DCUN1D5: variants seen among roughly 807,000 people sequenced by gnomAD.
DCUN1D5 encodes the protein DCN1-like protein 5.
A neutral mutation model predicts 38.3 loss-of-function variants in DCUN1D5; 10 were observed. The observed-to-expected ratio is 0.26, with a 90% CI of 0.16 to 0.44. The LOEUF (loss-of-function observed/expected upper bound fraction) is 0.44. DCUN1D5 is among the 20% of genes least tolerant of loss of function. The pLI is 1.00. For missense variants in DCUN1D5, 148 were observed against 275.3 expected (o/e 0.54, Z 3.27); for synonymous variants, 93 against 90.9 (o/e 1.02, Z -0.13).
At chr11:103,080,019 G>A (rs1182265928) in intron 4 of DCUN1D5, 4 of 152,208 alleles carry the variant, frequency 2.6e-5, no homozygotes, top group South Asian at 4.1e-4. Flanking sequence ...GAAAACAAAC[G>A]AATGTTAACA....
Position 103,064,503 on chromosome 11 carries a change from T to C in DCUN1D5, c.556-126A>G, listed in dbSNP as rs1247132505. Reference sequence around the variant, plus strand: ...TCTAAAACATTTACTATTTTTTTAATTATTTGTGTTTCTAAGAGATTCCTC... The same window carrying C: ...TCTAAAACATTTACTATTTTTTTAACTATTTGTGTTTCTAAGAGATTCCTC... On this transcript the variant is annotated intron_variant, in intron 6 of 7. Coordinates refer to ENST00000260247, the MANE Select transcript of DCUN1D5 (RefSeq NM_032299.4). The surrounding 1 kb of genome is among the most constrained non-coding windows in gnomAD (Gnocchi z 4.5). The C allele has an allele frequency of 1.5e-5, 10 of 688,510 alleles. No homozygotes were observed. Among genetic ancestry groups the C allele is most frequent in the Non-Finnish European group, 2.3e-5 (10 of 435,976 alleles). 42.7% of individuals were successfully genotyped at this position (688,510 alleles called of 1,614,324 possible).
intron 1 of DCUN1D5, among the ~76,000 whole-genome samples, chr11:103,089,816 G>C (rs1383908231): frequency 4.0e-5 from 6 of 151,480 alleles, no homozygotes; most frequent in Non-Finnish European, 8.8e-5. Flanking sequence ...TGATGACTTA[G>C]GACCTAAGGG....
At position 103,051,269 on chromosome 11, in the gene DCUN1D5, A is replaced by G. The variant is rs1861722706; in HGVS notation, c.*11090T>C. The G allele has an allele frequency of 6.6e-6, 1 of 152,256 alleles. No homozygotes were observed. Among genetic ancestry groups the G allele is most frequent in the African/African-American group, 2.4e-5 (1 of 41,464 alleles). The allele number at this position is 152,256 out of a possible 1,614,324, so 9.4% of individuals were successfully genotyped here. ...GGAAAAAAATGACTCATTAGTAAGTAAAGTGACAAGCAGAACAAATGAACC... is the reference window on the plus strand; with the variant it reads ...GGAAAAAAATGACTCATTAGTAAGTGAAGTGACAAGCAGAACAAATGAACC... On this transcript the variant is annotated 3_prime_UTR_variant, in exon 8 of 8. Transcript: ENST00000260247.
chr11:103,079,599 G>A (rs1862502436), intron 4 of DCUN1D5, among the ~76,000 whole-genome samples: 1 of 151,460 alleles, frequency 6.6e-6, no homozygotes, highest in East Asian at 1.9e-4. Flanking sequence ...AGACCAGCCT[G>A]GACAACATAG....
At position 103,060,124 on chromosome 11, in the gene DCUN1D5, G is replaced by C. The variant is rs948359143; in HGVS notation, c.*2235C>G. On this transcript the variant is annotated 3_prime_UTR_variant, in exon 8 of 8. Coordinates refer to ENST00000260247, the MANE Select transcript of DCUN1D5 (RefSeq NM_032299.4). Reference sequence around the variant, plus strand: ...AGCCCACACCCTGACTGATGAATTAGGCAGAGTAAATTTGCCTTCAAAGTA... The same window carrying C: ...AGCCCACACCCTGACTGATGAATTACGCAGAGTAAATTTGCCTTCAAAGTA... 2.0e-5 allele frequency among the ~76,000 whole-genome samples: 3 copies of C among 152,132 alleles called. No homozygotes were observed. Among genetic ancestry groups the C allele is most frequent in the Non-Finnish European group, 4.4e-5 (3 of 68,028 alleles).
chr11:103,071,321 A>G lies in DCUN1D5; in HGVS notation c.342-4754T>C, dbSNP rs545955720. On this transcript the variant is annotated intron_variant, in intron 4 of 7. Transcript: ENST00000260247. The surrounding 1 kb of genome is among the most constrained non-coding windows in gnomAD (Gnocchi z 4.1). ...AAAAGAGAGAAGACAAAAATTACCC[A>G]TATCAGGAATGAAATGGGGTATTAT... Among the ~76,000 whole-genome samples the G allele has an allele frequency of 1.8e-4, 27 of 152,080 alleles. No homozygotes were observed. The highest frequency in any genetic ancestry group is 6.3e-4 in the African/African-American group (26 of 41,556).
At position 103,062,428 on chromosome 11, in the gene DCUN1D5, A is replaced by C. The variant is rs1862036717; in HGVS notation, c.659-14T>G. 13 of 1,610,090 alleles carry C rather than the reference A, an allele frequency of 8.1e-6. No homozygotes were observed. The highest frequency in any genetic ancestry group is 2.2e-5 in the East Asian group (1 of 44,844). The stretch of plus-strand genomic sequence containing the variant: ...GAAGAACAGGCCCTAGAAAAAAAGA[A>C]ACCATTTTTGTCAGAATTCAGTGAA... On this transcript the variant is annotated splice_polypyrimidine_tract_variant and intron_variant, in intron 7 of 7. Coordinates refer to ENST00000260247, the MANE Select transcript of DCUN1D5 (RefSeq NM_032299.4). The surrounding 1 kb of genome is among the most constrained non-coding windows in gnomAD (Gnocchi z 4.6).
In DCUN1D5 at chr11:103,078,135, G is replaced by A. The variant is rs1043266596; in HGVS notation, c.341+4613C>T. On this transcript the variant is annotated intron_variant, in intron 4 of 7. Coordinates refer to ENST00000260247, the MANE Select transcript of DCUN1D5 (RefSeq NM_032299.4). The surrounding 1 kb of genome is among the most constrained non-coding windows in gnomAD (Gnocchi z 4.6). Reference sequence around the variant, plus strand: ...CTAGATTTACAAACTGCAACCTACCGGCAGGCAGCTTAATTACTATCACTG... The same window carrying A: ...CTAGATTTACAAACTGCAACCTACCAGCAGGCAGCTTAATTACTATCACTG... Among the ~76,000 whole-genome samples, 3 of 152,080 alleles carry A rather than the reference G, an allele frequency of 2.0e-5. No homozygotes were observed. The highest frequency in any genetic ancestry group is 2.4e-5 in the African/African-American group (1 of 41,402).
In DCUN1D5 at chr11:103,065,419, C is replaced by T. The variant is rs1186474257; in HGVS notation, c.555+850G>A. Among the ~76,000 whole-genome samples, 5 of 152,068 alleles carry T rather than the reference C, an allele frequency of 3.3e-5. No homozygotes were observed. Among genetic ancestry groups the T allele is most frequent in the Non-Finnish European group, 7.4e-5 (5 of 67,994 alleles). ...TGATCTGCCTGCCTTGGCCTCCCAA[C>T]GTGCTGGGATTACAGGCGTGTGCCA... On this transcript the variant is annotated intron_variant, in intron 6 of 7. Transcript: ENST00000260247. This position sits in a 1 kb window ranked among gnomAD's most constrained non-coding sequence, Gnocchi z 4.6.
chr11:103,056,491 A>G lies in DCUN1D5; in HGVS notation c.*5868T>C, dbSNP rs1861875957. Among the ~76,000 whole-genome samples, 1 of 152,188 alleles carries G rather than the reference A, an allele frequency of 6.6e-6. No individual in the cohort carries two copies. ...TGCTCAATGTCACATATCAGTGTAC[A>G]TGCTACTTAATAGTAATCCTATCCT... On this transcript the variant is annotated 3_prime_UTR_variant, in exon 8 of 8. Transcript: ENST00000260247. The surrounding 1 kb of genome is among the most constrained non-coding windows in gnomAD (Gnocchi z 4.9).
intron 4 of DCUN1D5, among the ~76,000 whole-genome samples, chr11:103,075,849 T>A (rs1862395349): frequency 6.6e-6 from 1 of 152,124 alleles, no homozygotes; most frequent in Non-Finnish European, 1.5e-5. Context: ...ACAAGAAAAA[T>A]TTATTCTTAC....
In DCUN1D5 at chr11:103,071,642, T is replaced by G. The variant is rs548867046; in HGVS notation, c.342-5075A>C. ...TTTACATAGATATAAAAATTCTACA[T>G]ATGTAACAATTTTTCTACATCAAAA... On this transcript the variant is annotated intron_variant, in intron 4 of 7. Transcript: ENST00000260247. The surrounding 1 kb of genome is among the most constrained non-coding windows in gnomAD (Gnocchi z 4.1). Among the ~76,000 whole-genome samples, 8 of 150,988 alleles carry G rather than the reference T, an allele frequency of 5.3e-5. No homozygotes were observed. The East Asian group carries it at 1.5e-3, about 29-fold the overall frequency.
rs965351608 is a variant in DCUN1D5, at chr11:103,057,806, C to T, written c.*4553G>A. On this transcript the variant is annotated 3_prime_UTR_variant, in exon 8 of 8. Coordinates refer to ENST00000260247, the MANE Select transcript of DCUN1D5 (RefSeq NM_032299.4). The surrounding 1 kb of genome is among the most constrained non-coding windows in gnomAD (Gnocchi z 4.8). ...CAGAGTTTTGGGGAAATCTGGCTCT[C>T]TCTATATATTCACTTCAAGTATTTA... Among the ~76,000 whole-genome samples the T allele has an allele frequency of 1.3e-5, 2 of 151,914 alleles. No homozygotes were observed. Among genetic ancestry groups the T allele is most frequent in the Admixed American group, 6.6e-5 (1 of 15,252 alleles).
At position 103,055,152 on chromosome 11, in the gene DCUN1D5, C is replaced by G. The variant is rs1356430182; in HGVS notation, c.*7207G>C. The G allele has an allele frequency of 1.3e-5, 2 of 152,106 alleles. No homozygotes were observed. Among genetic ancestry groups the G allele is most frequent in the African/African-American group, 4.8e-5 (2 of 41,414 alleles). The allele number at this position is 152,106 out of a possible 1,614,324, so 9.4% of individuals were successfully genotyped here. A position where few individuals can be genotyped will look rare whatever the true frequency, so the allele number is the denominator to read the frequency against. ...ATTTTTCTCTTGGGAACAGAGTAAA[C>G]TGTTGTACACCTGCATTTTGACTGT... is the stretch of plus-strand genomic sequence containing the variant. On this transcript the variant is annotated 3_prime_UTR_variant, in exon 8 of 8. Coordinates refer to ENST00000260247, the MANE Select transcript of DCUN1D5 (RefSeq NM_032299.4).
At chr11:103,089,416 G>A (rs1389921092) in intron 1 of DCUN1D5, 98 bp from the exon 2 acceptor site, 7 of 1,063,774 alleles carry the variant, frequency 6.6e-6, no homozygotes, top group Non-Finnish European at 6.4e-6. Flanking sequence ...ATTAAACAAA[G>A]GTTTTTTTTT....
chr11:103,092,095 T>C lies in DCUN1D5; in HGVS notation c.-223A>G. The C allele has an allele frequency of 1.9e-6, 1 of 530,420 alleles. No individual in the cohort carries two copies. The highest frequency in any genetic ancestry group is 3.6e-5 in the Admixed American group (1 of 28,022). The allele number at this position is 530,420 out of a possible 1,614,324, so 32.9% of individuals were successfully genotyped here. A position where few individuals can be genotyped will look rare whatever the true frequency, so the allele number is the denominator to read the frequency against. Reference sequence around the variant, plus strand: ...GGGCTGGCTCCTCGCCGGTGGACACTGCGGTTCGTTCTCACCGGGAGGAGA... The same window carrying C: ...GGGCTGGCTCCTCGCCGGTGGACACCGCGGTTCGTTCTCACCGGGAGGAGA... On this transcript the variant is annotated 5_prime_UTR_variant, in exon 1 of 8. Coordinates refer to ENST00000260247, the MANE Select transcript of DCUN1D5 (RefSeq NM_032299.4).
chr11:103,062,283 T>A lies in DCUN1D5; in HGVS notation c.*76A>T. On this transcript the variant is annotated 3_prime_UTR_variant, in exon 8 of 8. Transcript: ENST00000260247. The surrounding 1 kb of genome is among the most constrained non-coding windows in gnomAD (Gnocchi z 4.6). ...TATGAATGAAAATGCACCCGTTGGATTTTTTTCCCCCTCATCACATTAGCT... is the reference window on the plus strand; with the variant it reads ...TATGAATGAAAATGCACCCGTTGGAATTTTTTCCCCCTCATCACATTAGCT... 1.4e-6 allele frequency: 2 copies of A among 1,405,172 alleles called. No homozygotes were observed. Among genetic ancestry groups the A allele is most frequent in the Non-Finnish European group, 2.0e-6 (2 of 1,004,498 alleles). The allele number at this position is 1,405,172 out of a possible 1,614,324, so 87.0% of individuals were successfully genotyped here.
rs552085555 is a variant in DCUN1D5, at chr11:103,076,463, T to G, written c.341+6285A>C. Among the ~76,000 whole-genome samples the G allele has an allele frequency of 5.3e-5, 8 of 152,328 alleles. No homozygotes were observed. In the East Asian group the frequency reaches 1.5e-3, roughly 29 times the overall value. ...GGGTACACAAAGTTACTATCTTACT[T>G]ATGTAATTTCAATAAGCTTAAGAAA... On this transcript the variant is annotated intron_variant, in intron 4 of 7. Transcript: ENST00000260247.
chr11:103,081,812 A>T (rs1405249426), intron 4 of DCUN1D5, among the ~76,000 whole-genome samples: 1 of 152,184 alleles, frequency 6.6e-6, no homozygotes, highest in Non-Finnish European at 1.5e-5. Context: ...GTCAGTTAAA[A>T]AAGAGAATTA....
Sources: gnomAD v4.1 joint callset for allele counts (sites outside exome capture counted in the v4.1 genomes callset) on GRCh38, gnomAD v4.1.1 for gene constraint, Gnocchi (gnomAD v3.1) non-coding constraint, MANE v1.5 for transcripts, NCBI Gene and HGNC (gene_info 2026-07-23, HGNC 2026-07-21) for gene names.